The following RARB variants were observed in gnomAD, a reference collection of about 807,000 sequenced individuals.
The protein encoded by RARB is retinoic acid receptor beta, also known as HBV-activated protein.
In RARB, 17 loss-of-function variants were observed where a neutral mutation model predicts 51.9. The ratio of observed to expected loss-of-function variants is 0.33; its 90% confidence interval spans 0.22 to 0.49. The LOEUF (loss-of-function observed/expected upper bound fraction) is 0.49, where lower values mean the gene tolerates loss of function less well. Ranked by LOEUF, RARB falls within the 20% of genes least tolerant of loss-of-function variation. The pLI is 0.99. For synonymous variants in RARB, 215 were observed against 195.4 expected (o/e 1.10, Z -0.84); for missense variants, 369 against 550.8 (o/e 0.67, Z 3.30).
At chr3:25,510,580 C>T (rs1047935890) in intron 3 of RARB, among the ~76,000 whole-genome samples, 5 of 151,740 alleles carry the variant, frequency 3.3e-5, no homozygotes, top group South Asian at 2.1e-4. Context: ...GGGCCAAGAT[C>T]GAGCCACTGC....
At chr3:24,932,651 T>C (rs1695465563) in intron 2 of RARB, among the ~76,000 whole-genome samples, 2 of 152,136 alleles carry the variant, frequency 1.3e-5, no homozygotes, top group South Asian at 4.1e-4. Context: ...TTTGATATTT[T>C]TAGATTTAGA....
intron 5 of RARB, among the ~76,000 whole-genome samples, chr3:25,385,159 C>T (rs1706755854): frequency 6.6e-6 from 1 of 152,226 alleles, no homozygotes; most frequent in Non-Finnish European, 1.5e-5. Context: ...GTCACATAGC[C>T]ATTTTAAGAT....
chr3:24,941,602 T>C (rs2125400304), intron 2 of RARB, among the ~76,000 whole-genome samples: 1 of 152,208 alleles, frequency 6.6e-6, no homozygotes, highest in South Asian at 2.1e-4. Context: ...ACTCCTTACC[T>C]TGTGATCCGC....
intron 5 of RARB, among the ~76,000 whole-genome samples, chr3:25,245,775 A>T (rs1257579764): frequency 6.6e-6 from 1 of 151,928 alleles, no homozygotes; most frequent in Non-Finnish European, 1.5e-5. Context: ...TCTGACGATG[A>T]TGTGTCTTGG....
At chr3:25,475,689 C>G (rs192577723) in intron 2 of RARB, among the ~76,000 whole-genome samples, 1 of 152,290 alleles carries the variant, frequency 6.6e-6, no homozygotes, top group Non-Finnish European at 1.5e-5. Context: ...CACCTCTCCT[C>G]TCATGGAAGT....
intron 2 of RARB, among the ~76,000 whole-genome samples, chr3:25,463,139 C>T: frequency 6.6e-6 from 1 of 152,060 alleles, no homozygotes; most frequent in Non-Finnish European, 1.5e-5. Context: ...TCCCAAAGTG[C>T]TGGGAATACA....
chr3:25,554,380 G>A (rs541903341), intron 3 of RARB, among the ~76,000 whole-genome samples: 248 of 152,140 alleles, frequency 1.6e-3, no homozygotes, highest in African/African-American at 4.6e-3. Flanking sequence ...CAACTCTGCA[G>A]TCCATAGGTT....
At chr3:25,542,886 T>A (rs914634792) in intron 3 of RARB, among the ~76,000 whole-genome samples, 2 of 152,204 alleles carry the variant, frequency 1.3e-5, no homozygotes, top group African/African-American at 4.8e-5. Flanking sequence ...TGTTTGCAGA[T>A]AGGGAATCAG....
chr3:25,427,366 T>C (rs190010867), upstream of RARB, among the ~76,000 whole-genome samples: 11 of 152,352 alleles, frequency 7.2e-5, no homozygotes, highest in East Asian at 2.1e-3. Flanking sequence ...TAGTATTATA[T>C]GCCCATTTTA....
intron 2 of RARB, among the ~76,000 whole-genome samples, chr3:25,046,824 G>A (rs897373435): frequency 2.0e-5 from 3 of 152,142 alleles, no homozygotes; most frequent in Non-Finnish European, 4.4e-5. Flanking sequence ...GTTAATATAT[G>A]AGTAAACTAT....
chr3:25,006,564 A>G (rs1291374081), intron 2 of RARB, among the ~76,000 whole-genome samples: 2 of 152,126 alleles, frequency 1.3e-5, no homozygotes, highest in Admixed American at 6.6e-5. Flanking sequence ...TGCAAACTTC[A>G]TTTTTTTGAG....
chr3:25,164,442 T>A (rs1409788707), intron 4 of RARB, among the ~76,000 whole-genome samples: 1 of 152,192 alleles, frequency 6.6e-6, no homozygotes, highest in East Asian at 1.9e-4. Flanking sequence ...ACTCTGACAG[T>A]CCTGACCTAC....
intron 5 of RARB, among the ~76,000 whole-genome samples, chr3:25,374,015 C>G (rs1359188099): frequency 2.0e-5 from 3 of 152,136 alleles, no homozygotes; most frequent in East Asian, 3.9e-4. Flanking sequence ...CATAAAATCC[C>G]TAGGTATATT....
chr3:25,291,647 G>GC (rs903086450), intron 5 of RARB, among the ~76,000 whole-genome samples: 3 of 152,050 alleles, frequency 2.0e-5, no homozygotes, highest in African/African-American at 4.8e-5. Context: ...CAAGGAAATG[G>GC]CCCCTTTTGT....
chr3:24,923,953 T>G (rs1171617300), intron 2 of RARB, among the ~76,000 whole-genome samples: 1 of 152,164 alleles, frequency 6.6e-6, no homozygotes, highest in African/African-American at 2.4e-5. Context: ...TCTTAGAAAT[T>G]AACAGGTGAA....
chr3:25,564,395 A>G (rs17016781), intron 3 of RARB, among the ~76,000 whole-genome samples: 23,084 of 152,212 alleles, frequency 0.15, 2,265 homozygotes, highest in East Asian at 0.39. Flanking sequence ...GCCGGGTTCT[A>G]TCAGGTGTAT....
chr3:24,946,553 T>C (rs1435961257), intron 2 of RARB, among the ~76,000 whole-genome samples: 1 of 151,884 alleles, frequency 6.6e-6, no homozygotes, highest in Non-Finnish European at 1.5e-5. Context: ...AACCTAGAGT[T>C]CTAAAAAATG....
chr3:24,972,989 A>C (rs1432266906), intron 2 of RARB, among the ~76,000 whole-genome samples: 4 of 151,856 alleles, frequency 2.6e-5, no homozygotes, highest in African/African-American at 9.7e-5. Flanking sequence ...TCTAAGTCCC[A>C]TTTGTCCATT....
At chr3:25,349,207 C>A (rs1048099901) in intron 5 of RARB, among the ~76,000 whole-genome samples, 2 of 152,160 alleles carry the variant, frequency 1.3e-5, no homozygotes, top group South Asian at 4.1e-4. Flanking sequence ...ACTTGCACTA[C>A]CTGGTAAATT....
Sources: allele counts gnomAD v4.1 joint callset (sites outside exome capture counted in the v4.1 genomes callset), GRCh38; gene constraint gnomAD v4.1.1; transcripts MANE v1.5; gene names NCBI Gene and HGNC (gene_info 2026-07-23, HGNC 2026-07-21).